The following PCBP3 variants were observed in gnomAD, a reference collection of about 807,000 sequenced individuals.
The protein encoded by PCBP3 is poly(rC)-binding protein 3.
A neutral mutation model predicts 52.7 loss-of-function variants in PCBP3; 25 were observed. The ratio of observed to expected loss-of-function variants is 0.47; its 90% confidence interval spans 0.35 to 0.66. The LOEUF (loss-of-function observed/expected upper bound fraction) is 0.66. PCBP3 is among the 30% of genes least tolerant of loss of function. The pLI is 0.01. For synonymous variants in PCBP3, 162 were observed against 183.0 expected (o/e 0.89, Z 0.93); for missense variants, 391 against 490.3 (o/e 0.80, Z 1.91).
intron 5 of PCBP3, among the ~76,000 whole-genome samples, chr21:45,860,180 G>A (rs946878429): frequency 1.3e-5 from 2 of 152,090 alleles, no homozygotes; most frequent in African/African-American, 4.8e-5. Context: ...GCCGACATCC[G>A]GGCTGTGGCC....
intron 4 of PCBP3, among the ~76,000 whole-genome samples, chr21:45,845,208 CATGGTTTCCTGTCTGAA>C (rs1235888034): frequency 6.6e-6 from 1 of 152,260 alleles, no homozygotes; most frequent in Non-Finnish European, 1.5e-5. Context: ...CTTACCAAGT[CATGGTTTCCTGTCTGAA>C]GCGGTTTCCC....
At chr21:45,782,939 C>T (rs2090755149) in intron 4 of PCBP3, among the ~76,000 whole-genome samples, 1 of 152,230 alleles carries the variant, frequency 6.6e-6, no homozygotes, top group Admixed American at 6.5e-5. Flanking sequence ...GGAGCTTCAG[C>T]TTTGCTGACT....
chr21:45,784,632 C>T (rs1236424354), intron 4 of PCBP3, among the ~76,000 whole-genome samples: 2 of 152,214 alleles, frequency 1.3e-5, no homozygotes, highest in Non-Finnish European at 2.9e-5. Context: ...GACTGGTTTT[C>T]GTATTTTTTG....
intron 1 of PCBP3, among the ~76,000 whole-genome samples, chr21:45,661,638 A>G (rs926943034): frequency 2.0e-5 from 3 of 152,246 alleles, no homozygotes; most frequent in African/African-American, 4.8e-5. Flanking sequence ...TCTTTTTGAT[A>G]CAGTGATTTC....
At chr21:45,773,128 G>A (rs189318912) in intron 4 of PCBP3, among the ~76,000 whole-genome samples, 262 of 152,074 alleles carry the variant, frequency 1.7e-3, no homozygotes, top group African/African-American at 6.2e-3. Context: ...ATGCTTTTGC[G>A]GTCTTAGTCA....
intron 15 of PCBP3, among the ~76,000 whole-genome samples, chr21:45,933,097 A>G (rs1393519686): frequency 3.3e-5 from 5 of 152,080 alleles, no homozygotes; most frequent in Non-Finnish European, 7.3e-5. Context: ...ATGAATGAAC[A>G]CATCGGCCAT....
intron 13 of PCBP3, among the ~76,000 whole-genome samples, chr21:45,925,921 G>A (rs1261117076): frequency 1.3e-5 from 2 of 152,172 alleles, no homozygotes; most frequent in African/African-American, 4.8e-5. Context: ...TGTGAAGAAG[G>A]CATCAACAGA....
At chr21:45,811,293 C>T (rs1569254000) in intron 4 of PCBP3, among the ~76,000 whole-genome samples, 1 of 152,170 alleles carries the variant, frequency 6.6e-6, no homozygotes. Flanking sequence ...CTCTCCGCAG[C>T]AGTGCTGCAT....
At chr21:45,936,938 C>T (rs1286015917) in intron 16 of PCBP3, among the ~76,000 whole-genome samples, 1 of 152,152 alleles carries the variant, frequency 6.6e-6, no homozygotes, top group Non-Finnish European at 1.5e-5. Context: ...CCTCTTATCC[C>T]AGTGCCTTTG....
chr21:45,874,853 C>T (rs1234732899), intron 5 of PCBP3, among the ~76,000 whole-genome samples: 4 of 152,210 alleles, frequency 2.6e-5, no homozygotes, highest in Non-Finnish European at 5.9e-5. Context: ...CTGCCCGTGT[C>T]CCCTGTGCTG....
At chr21:45,869,697 C>T (rs897409822) in intron 5 of PCBP3, among the ~76,000 whole-genome samples, 5 of 152,144 alleles carry the variant, frequency 3.3e-5, no homozygotes, top group East Asian at 1.9e-4. Context: ...GTGGAGACCT[C>T]GGTGGACAGA....
At chr21:45,933,799 G>A (rs2076576031) in intron 15 of PCBP3, among the ~76,000 whole-genome samples, 1 of 152,168 alleles carries the variant, frequency 6.6e-6, no homozygotes, top group African/African-American at 2.4e-5. Context: ...GAGACTGGCT[G>A]GCCACAGTGA....
chr21:45,647,188 G>T (rs2079372391), intron 1 of PCBP3, among the ~76,000 whole-genome samples: 1 of 152,206 alleles, frequency 6.6e-6, no homozygotes, highest in Admixed American at 6.5e-5. Flanking sequence ...AACTGATTCT[G>T]TGGCCCCATT....
At chr21:45,644,482 T>A (rs1487229811) in intron 1 of PCBP3, among the ~76,000 whole-genome samples, 1 of 150,924 alleles carries the variant, frequency 6.6e-6, no homozygotes, top group Non-Finnish European at 1.5e-5. Flanking sequence ...GTGTTCTAAT[T>A]GGAAGTCTTG....
At chr21:45,780,237 A>G (rs954876143) in intron 4 of PCBP3, among the ~76,000 whole-genome samples, 1 of 152,252 alleles carries the variant, frequency 6.6e-6, no homozygotes, top group Admixed American at 6.5e-5. Flanking sequence ...CTTTCAAAGC[A>G]TTCGTCTCAA....
intron 2 of PCBP3, among the ~76,000 whole-genome samples, chr21:45,731,678 CTG>C (rs2145771494): frequency 6.6e-6 from 1 of 152,316 alleles, no homozygotes; most frequent in South Asian, 2.1e-4. Context: ...AGCTTTATCT[CTG>C]TGTTTTCAGA....
At position 45,941,708 on chromosome 21, in the gene PCBP3, C is replaced by G. The variant is rs2149628960; in HGVS notation, c.*2C>G. 1 of 1,605,076 alleles carries G rather than the reference C, an allele frequency of 6.2e-7. No individual in the cohort carries two copies. Among genetic ancestry groups the G allele is most frequent in the East Asian group, 2.3e-5 (1 of 44,192 alleles). Reference sequence around the variant, plus strand: ...GTCACCGGGATGGGCACGCTGTAATCCTACCCAGCACCCTTCCCCCGCGTC... The same window carrying G: ...GTCACCGGGATGGGCACGCTGTAATGCTACCCAGCACCCTTCCCCCGCGTC... On this transcript the variant is annotated 3_prime_UTR_variant, in exon 18 of 18. Transcript: ENST00000681687.
chr21:45,849,558 A>G (rs1204756079), intron 4 of PCBP3, among the ~76,000 whole-genome samples: 4 of 152,236 alleles, frequency 2.6e-5, no homozygotes, highest in Non-Finnish European at 4.4e-5. Flanking sequence ...GCTGAAATTG[A>G]AGAAATTAGA....
At chr21:45,654,984 T>A (rs943379420) in intron 1 of PCBP3, among the ~76,000 whole-genome samples, 1 of 152,232 alleles carries the variant, frequency 6.6e-6, no homozygotes, top group Admixed American at 6.5e-5. Context: ...GCCTTTTGTG[T>A]CTGGCTTCTT....
Sources: allele counts gnomAD v4.1 joint callset (sites outside exome capture counted in the v4.1 genomes callset), GRCh38; gene constraint gnomAD v4.1.1; transcripts MANE v1.5; gene names NCBI Gene and HGNC (gene_info 2026-07-23, HGNC 2026-07-21).